The following NALF1 variants were observed in gnomAD, a reference collection of about 807,000 sequenced individuals.
The protein encoded by NALF1 is NALCN channel auxiliary factor 1.
In NALF1, 3 loss-of-function variants were observed where a neutral mutation model predicts 48.4. That is an observed-to-expected ratio of 0.06 (90% CI 0.03 to 0.16). The LOEUF (loss-of-function observed/expected upper bound fraction) is 0.16. Ranked by LOEUF, NALF1 falls within the 10% of genes least tolerant of loss-of-function variation. NALF1 has a pLI of 1.00. For synonymous variants in NALF1, 262 were observed against 245.7 expected (o/e 1.07, Z -0.62); for missense variants, 526 against 571.5 (o/e 0.92, Z 0.81).
intron 1 of NALF1, among the ~76,000 whole-genome samples, chr13:107,742,458 T>C (rs1450920130): frequency 6.6e-6 from 1 of 152,200 alleles, no homozygotes; most frequent in Non-Finnish European, 1.5e-5. Flanking sequence ...CTAGTAATCC[T>C]GAGTGAGTTC....
chr13:107,518,398 G>A (rs574674133), intron 1 of NALF1, among the ~76,000 whole-genome samples: 1 of 152,026 alleles, frequency 6.6e-6, no homozygotes, highest in Non-Finnish European at 1.5e-5. Flanking sequence ...AGGGGTGAGA[G>A]GAGTTTTTTT....
At chr13:107,495,674 T>C (rs1217271154) in intron 1 of NALF1, among the ~76,000 whole-genome samples, 1 of 152,150 alleles carries the variant, frequency 6.6e-6, no homozygotes, top group Non-Finnish European at 1.5e-5. Context: ...ACATAAAGCA[T>C]CATTTTTTTG....
chr13:107,701,532 G>C (rs956078456), intron 1 of NALF1, among the ~76,000 whole-genome samples: 1 of 152,060 alleles, frequency 6.6e-6, no homozygotes, highest in African/African-American at 2.4e-5. Flanking sequence ...TGAGATACAC[G>C]TGGGTCAAAA....
At chr13:107,834,434 A>G (rs546821032) in intron 1 of NALF1, among the ~76,000 whole-genome samples, 2 of 152,352 alleles carry the variant, frequency 1.3e-5, no homozygotes, top group South Asian at 2.1e-4. Flanking sequence ...TGTCAAGAGT[A>G]TGGGGAAAAA....
intron 1 of NALF1, among the ~76,000 whole-genome samples, chr13:107,592,187 T>C (rs1878618259): frequency 6.6e-6 from 1 of 151,956 alleles, no homozygotes; most frequent in Admixed American, 6.6e-5. Context: ...CTCTCTCAAA[T>C]AAATAATTTA....
At chr13:107,458,353 G>C (rs1385297385) in intron 1 of NALF1, among the ~76,000 whole-genome samples, 1 of 152,188 alleles carries the variant, frequency 6.6e-6, no homozygotes. Context: ...CTCAACAAGA[G>C]TGCTAAAAAT....
chr13:107,285,209 C>T (rs1284608024), intron 1 of NALF1, among the ~76,000 whole-genome samples: 2 of 152,216 alleles, frequency 1.3e-5, no homozygotes, highest in African/African-American at 4.8e-5. Context: ...TTGAGATTCA[C>T]AGATTCACCT....
At chr13:107,742,186 C>A (rs1386037028) in intron 1 of NALF1, among the ~76,000 whole-genome samples, 1 of 152,148 alleles carries the variant, frequency 6.6e-6, no homozygotes, top group Non-Finnish European at 1.5e-5. Context: ...CCTGCAATCG[C>A]CTTGTCCTTT....
At chr13:107,590,097 A>G (rs1293553501) in intron 1 of NALF1, among the ~76,000 whole-genome samples, 1 of 152,070 alleles carries the variant, frequency 6.6e-6, no homozygotes, top group Non-Finnish European at 1.5e-5. Context: ...TTTTTGACAA[A>G]TATCCTTATA....
At chr13:107,510,367 T>C (rs1875846884) in intron 1 of NALF1, among the ~76,000 whole-genome samples, 1 of 152,170 alleles carries the variant, frequency 6.6e-6, no homozygotes, top group Non-Finnish European at 1.5e-5. Flanking sequence ...TGCTATCTCA[T>C]TTGAGCCTAC....
intron 1 of NALF1, among the ~76,000 whole-genome samples, chr13:107,231,351 G>A (rs574430147): frequency 6.6e-6 from 1 of 152,210 alleles, no homozygotes; most frequent in Admixed American, 6.5e-5. Flanking sequence ...CAATATTAAT[G>A]ATTTTAAACA....
chr13:107,708,713 CTTTA>C (rs373274574), intron 1 of NALF1, among the ~76,000 whole-genome samples: 1 of 151,660 alleles, frequency 6.6e-6, no homozygotes, highest in African/African-American at 2.4e-5. Context: ...TACCTTTTCT[CTTTA>C]TTTATTTTTT....
chr13:107,606,194 G>A (rs368583562), intron 1 of NALF1, among the ~76,000 whole-genome samples: 31 of 151,960 alleles, frequency 2.0e-4, no homozygotes, highest in African/African-American at 6.3e-4. Flanking sequence ...GATCAAATCA[G>A]GTAGTAGAAG....
chr13:107,513,952 G>A (rs1313062509), intron 1 of NALF1, among the ~76,000 whole-genome samples: 1 of 152,156 alleles, frequency 6.6e-6, no homozygotes, highest in East Asian at 1.9e-4. Flanking sequence ...GACAACTTTA[G>A]ACCTTTATTT....
intron 1 of NALF1, 78 bp downstream of exon 1, chr13:107,865,604 T>C (rs1299856125): frequency 2.6e-6 from 4 of 1,520,288 alleles, no homozygotes; most frequent in Non-Finnish European, 3.5e-6. Flanking sequence ...AAAATAATAA[T>C]AATAAACTTG....
In NALF1 at chr13:107,551,299, CATTT is replaced by C. The variant is rs377441603; in HGVS notation, c.915+314379_915+314382del. ...TATGTCTTATATTTATGCAAATTCC[CATTT>C]ATTTGTGTTTTAGCATCTCAGTTTT... is the stretch of plus-strand genomic sequence containing the variant. On this transcript the variant is annotated intron_variant, in intron 1 of 2. Coordinates refer to ENST00000375915, the MANE Select transcript of NALF1 (RefSeq NM_001080396.3). 7.8e-4 allele frequency among the ~76,000 whole-genome samples: 119 copies of C among 152,210 alleles called. 1 individual carries two copies. In the East Asian group the frequency reaches 0.02, roughly 26 times the overall value.
chr13:107,698,207 T>C (rs1225838741), intron 1 of NALF1, among the ~76,000 whole-genome samples: 1 of 152,184 alleles, frequency 6.6e-6, no homozygotes, highest in African/African-American at 2.4e-5. Flanking sequence ...TCCCACTTTT[T>C]GTTACCAAAT....
In NALF1 at chr13:107,206,409, A is replaced by G. The variant is rs137889287; in HGVS notation, c.1087+4175T>C. On this transcript the variant is annotated intron_variant, in intron 2 of 2. Transcript: ENST00000375915. Reference sequence around the variant, plus strand: ...TGCATTCTCAGATATTTCATTTTTTAAAGTAAGTTCCTGGCTTACTAAAGG... The same window carrying G: ...TGCATTCTCAGATATTTCATTTTTTGAAGTAAGTTCCTGGCTTACTAAAGG... Among the ~76,000 whole-genome samples, 41 of 152,302 alleles carry G rather than the reference A, an allele frequency of 2.7e-4. 2 individuals carry two copies. In the East Asian group the frequency reaches 7.1e-3, roughly 27 times the overall value.
At chr13:107,292,406 T>C (rs1881639774) in intron 1 of NALF1, among the ~76,000 whole-genome samples, 1 of 152,240 alleles carries the variant, frequency 6.6e-6, no homozygotes, top group African/African-American at 2.4e-5. Flanking sequence ...ACACTTGGCT[T>C]AAAACACAAA....
Sources: gnomAD v4.1 joint callset for allele counts (sites outside exome capture counted in the v4.1 genomes callset) on GRCh38, gnomAD v4.1.1 for gene constraint, MANE v1.5 for transcripts, NCBI Gene and HGNC (gene_info 2026-07-23, HGNC 2026-07-21) for gene names.